Variants in PTCRA observed in about 807,000 individuals in gnomAD.
PTCRA encodes the protein pre T cell antigen receptor alpha, also known as pre T-cell antigen receptor alpha.
PTCRA carries 9 observed loss-of-function variants against 13.4 expected under a neutral mutation model. The ratio of observed to expected loss-of-function variants is 0.67; its 90% confidence interval spans 0.41 to 1.18. The LOEUF (loss-of-function observed/expected upper bound fraction) is 1.18, where lower values mean the gene tolerates loss of function less well. Ranked by LOEUF, PTCRA falls within the 50% of genes most tolerant of loss-of-function variation. The pLI, the probability that PTCRA is intolerant of heterozygous loss-of-function variation, is 0.01. For missense variants in PTCRA, 353 were observed against 359.8 expected, an observed-to-expected ratio of 0.98 and a Z score of 0.15; for synonymous variants, 153 against 161.9, an observed-to-expected ratio of 0.94 and a Z score of 0.42.
chr6:42,922,107 C>A, intron 1 of PTCRA: 1 of 634,750 alleles, frequency 1.6e-6, no homozygotes, highest in Non-Finnish European at 2.8e-6. Context: ...CCCAAGCACA[C>A]TCCACCTAGA....
intron 1 of PTCRA, among the ~76,000 whole-genome samples, chr6:42,920,890 G>A (rs1476425411): frequency 6.6e-6 from 1 of 151,424 alleles, no homozygotes; most frequent in Non-Finnish European, 1.5e-5. Context: ...CTTTGCCCGG[G>A]TTCAAGCGAT....
intron 1 of PTCRA, among the ~76,000 whole-genome samples, chr6:42,921,990 A>G (rs1432895874): frequency 6.6e-6 from 1 of 151,944 alleles, no homozygotes; most frequent in African/African-American, 2.4e-5. Context: ...GTGCCACTGC[A>G]CTCCAGTCTG....
chr6:42,917,077 CTTA>C, intron 1 of PTCRA, among the ~76,000 whole-genome samples: 1 of 152,082 alleles, frequency 6.6e-6, no homozygotes, highest in East Asian at 1.9e-4. Flanking sequence ...TTTGCAATGC[CTTA>C]TTAATATTAA....
chr6:42,916,587 G>T (rs1435163865), intron 1 of PTCRA, among the ~76,000 whole-genome samples: 1 of 152,154 alleles, frequency 6.6e-6, no homozygotes, highest in Admixed American at 6.6e-5. Context: ...AGGACTCAGG[G>T]TGTCTCAAGT....
chr6:42,923,292 C>T lies in PTCRA; in HGVS notation c.324C>T (p.His108=), dbSNP rs201816889. ...CATCCTGGGAGCCTTTGGTCTGCCA[C>T]ACTGGGCCTGGGGCTGAGGGTCACA... The part of the protein sequence containing the change: ...ELASWEPLVC[H]TGPGAEGHSR... The change falls in exon 2 of 4, where the codon CAC becomes CAT. Residue 108 remains histidine (H), a synonymous_variant. Coordinates refer to ENST00000304672, the MANE Select transcript of PTCRA (RefSeq NM_138296.3). The T allele has an allele frequency of 1.0e-4, 164 of 1,614,120 alleles. 1 individual carries two copies. The highest frequency in any genetic ancestry group is 3.3e-4 in the Middle Eastern group (2 of 6,082).
At chr6:42,919,328 T>A (rs1767031467) in intron 1 of PTCRA, among the ~76,000 whole-genome samples, 1 of 152,122 alleles carries the variant, frequency 6.6e-6, no homozygotes, top group Admixed American at 6.6e-5. Context: ...AAATCTTTCC[T>A]AAGTACCCTT....
Position 42,925,183 on chromosome 6 carries a change from C to T in PTCRA, c.425-78C>T. ...GAAGGGGACGGGCAAGGGCAGAGGACAAGGCCCTCTCCGCCGTTCTCTCCT... is the reference window on the plus strand; with the variant it reads ...GAAGGGGACGGGCAAGGGCAGAGGATAAGGCCCTCTCCGCCGTTCTCTCCT... On this transcript the variant is annotated intron_variant, in intron 3 of 3. Transcript: ENST00000304672. This position sits in a 1 kb window ranked among gnomAD's most constrained non-coding sequence, Gnocchi z 4.4. The T allele has an allele frequency of 6.6e-7, 1 of 1,504,332 alleles. No homozygotes were observed. The highest frequency in any genetic ancestry group is 2.0e-5 in the Admixed American group (1 of 49,264). The allele number at this position is 1,504,332 out of a possible 1,614,324, so 93.2% of individuals were successfully genotyped here.
intron 1 of PTCRA, among the ~76,000 whole-genome samples, chr6:42,921,155 G>C (rs1405666575): frequency 6.6e-6 from 1 of 151,838 alleles, no homozygotes; most frequent in Non-Finnish European, 1.5e-5. Context: ...AGGCTGGAGT[G>C]TAGTGGCATG....
intron 1 of PTCRA, among the ~76,000 whole-genome samples, chr6:42,917,230 T>A (rs940877491): frequency 7.4e-6 from 1 of 135,572 alleles, no homozygotes; most frequent in Non-Finnish European, 1.5e-5. Flanking sequence ...TTATTATTAT[T>A]ATTTATTTTT....
In PTCRA at chr6:42,923,100, G is replaced by T; in HGVS notation, c.132G>T (p.Val44=). The T allele has an allele frequency of 6.2e-7, 1 of 1,614,224 alleles. No homozygotes were observed. Residue 44 remains valine (V), a synonymous_variant, in exon 2 of 4, where the codon GTG becomes GTT. Coordinates refer to ENST00000304672, the MANE Select transcript of PTCRA (RefSeq NM_138296.3). ...MLLVDGKQQM[V]VVCLVLDVAP... ...TGGTGGATGGAAAGCAGCAGATGGT[G>T]GTGGTCTGCCTGGTCCTTGATGTTG...
chr6:42,919,521 T>G (rs1301187039), intron 1 of PTCRA, among the ~76,000 whole-genome samples: 3 of 151,058 alleles, frequency 2.0e-5, no homozygotes, highest in African/African-American at 7.3e-5. Flanking sequence ...CAAGACCAGC[T>G]AGGACAACAT....
intron 2 of PTCRA, among the ~76,000 whole-genome samples, chr6:42,923,578 A>G (rs1025062641): frequency 6.6e-6 from 1 of 152,238 alleles, no homozygotes; most frequent in African/African-American, 2.4e-5. Context: ...CATGGCTTCC[A>G]AGGATAAAAA....
Position 42,925,650 on chromosome 6 carries a change from C to A in PTCRA, c.814C>A (p.Leu272Met). ...SSLGAFFAGDLPPPLQAGAA is the reference protein window; with the variant it reads ...SSLGAFFAGDMPPPLQAGAA ...TCTTGGAGCATTTTTTGCAGGTGACCTGCCTCCTCCTCTGCAGGCTGGAGC... is the reference window on the plus strand; with the variant it reads ...TCTTGGAGCATTTTTTGCAGGTGACATGCCTCCTCCTCTGCAGGCTGGAGC... Residue 272 changes from leucine (L) to methionine (M), a missense_variant, in exon 4 of 4, where the codon CTG (leucine) becomes ATG (methionine). Transcript: ENST00000304672. The surrounding 1 kb of genome is among the most constrained non-coding windows in gnomAD (Gnocchi z 4.4). 6.5e-7 allele frequency: 1 copy of A among 1,547,400 alleles called. No individual in the cohort carries two copies.
Position 42,924,209 on chromosome 6 carries a change from C to G in PTCRA, c.380-20C>G. On this transcript the variant is annotated intron_variant, in intron 2 of 3. Coordinates refer to ENST00000304672, the MANE Select transcript of PTCRA (RefSeq NM_138296.3). ...CATGGCCCATCCCCAAAGACTCATT[C>G]GCTTCTCCCTGGACAACAGGAGAGG... 1.3e-6 allele frequency: 2 copies of G among 1,599,396 alleles called. No individual in the cohort carries two copies. The highest frequency in any genetic ancestry group is 1.1e-5 in the South Asian group (1 of 89,868).
intron 1 of PTCRA, among the ~76,000 whole-genome samples, chr6:42,920,811 CT>C (rs544790680): frequency 0.071 from 8,751 of 122,602 alleles, 282 homozygotes; most frequent in South Asian, 0.16. Flanking sequence ...CTAAACAAAG[CT>C]TTTTTTTTTT....
In PTCRA at chr6:42,921,169, T is replaced by C. The variant is rs543136868; in HGVS notation, c.59-1858T>C. 9.2e-5 allele frequency among the ~76,000 whole-genome samples: 14 copies of C among 152,020 alleles called. No individual in the cohort carries two copies. In the South Asian group the frequency reaches 2.9e-3, roughly 32 times the overall value. ...CAGGCTGGAGTGTAGTGGCATGATC[T>C]TGGCTCACTGCAACCTCCGCCTCTG... is the stretch of plus-strand genomic sequence containing the variant. On this transcript the variant is annotated intron_variant, in intron 1 of 3. Coordinates refer to ENST00000304672, the MANE Select transcript of PTCRA (RefSeq NM_138296.3).
chr6:42,925,450 G>T lies in PTCRA; in HGVS notation c.614G>T (p.Arg205Leu). 6.4e-7 allele frequency: 1 copy of T among 1,555,626 alleles called. No homozygotes were observed. Among genetic ancestry groups the T allele is most frequent in the Non-Finnish European group, 8.7e-7 (1 of 1,149,100 alleles). ...CACCCGGCCACGGAGACTGGGGGAC[G>T]AGAGGCCACCAGCTCACCCAGACCC... is the stretch of plus-strand genomic sequence containing the variant. The part of the protein sequence containing the change: ...RLHPATETGG[R>L]EATSSPRPQP... The change falls in exon 4 of 4, where the codon CGA becomes CTA. Residue 205 changes from arginine (R) to leucine (L), a missense_variant. Transcript: ENST00000304672. This position sits in a 1 kb window ranked among gnomAD's most constrained non-coding sequence, Gnocchi z 4.4.
Position 42,925,119 on chromosome 6 carries a change from G to A in PTCRA, c.425-142G>A, listed in dbSNP as rs1200070951. On this transcript the variant is annotated intron_variant, in intron 3 of 3. Transcript: ENST00000304672. The surrounding 1 kb of genome is among the most constrained non-coding windows in gnomAD (Gnocchi z 4.4). ...ATGTATTATTACCAGTAAGAACGGA[G>A]GCTAGACACCGGGAAGGACTTTCCC... The A allele has an allele frequency of 4.6e-6, 5 of 1,085,202 alleles. No individual in the cohort carries two copies. Among genetic ancestry groups the A allele is most frequent in the Admixed American group, 2.7e-5 (1 of 36,422 alleles). 67.2% of individuals were successfully genotyped at this position (1,085,202 alleles called of 1,614,324 possible). A position where few individuals can be genotyped will look rare whatever the true frequency, so the allele number is the denominator to read the frequency against.
At chr6:42,923,440 GGCATGAAGGGTGTCCAAGC>G in intron 2 of PTCRA, 93 bp downstream of exon 2, 2 of 1,243,090 alleles carry the variant, frequency 1.6e-6, no homozygotes, top group Non-Finnish European at 2.3e-6. Flanking sequence ...AGGCCACAAA[GGCATGAAGGGTGTCCAAGC>G]GCAGAGCCTC....
Sources: gnomAD v4.1 joint callset for allele counts (sites outside exome capture counted in the v4.1 genomes callset) on GRCh38, gnomAD v4.1.1 for gene constraint, Gnocchi (gnomAD v3.1) non-coding constraint, MANE v1.5 for transcripts, NCBI Gene and HGNC (gene_info 2026-07-23, HGNC 2026-07-21) for gene names.